GPATCH2L: variants seen among roughly 807,000 people sequenced by gnomAD.
The protein encoded by GPATCH2L is G patch domain-containing protein 2-like.
Under a neutral mutation model 57.4 loss-of-function variants are expected in GPATCH2L, and 31 were observed. The ratio of observed to expected loss-of-function variants is 0.54; its 90% CI spans 0.41 to 0.73. The LOEUF (loss-of-function observed/expected upper bound fraction) is 0.73, where lower values mean the gene tolerates loss of function less well. Ranked by LOEUF, GPATCH2L falls within the 30% of genes least tolerant of loss-of-function variation. GPATCH2L has a pLI of 0.00. For synonymous variants in GPATCH2L, 199 were observed against 210.7 expected, an observed-to-expected ratio of 0.94 and a Z score of 0.48; for missense variants, 481 against 599.9, an observed-to-expected ratio of 0.80 and a Z score of 2.07.
At chr14:76,169,113 C>T (rs1428914978) in intron 3 of GPATCH2L, among the ~76,000 whole-genome samples, 5 of 152,200 alleles carry the variant, frequency 3.3e-5, no homozygotes, top group Admixed American at 2.0e-4. Context: ...TGTGAATAGT[C>T]ACTTCATTAC....
At chr14:76,166,614 G>A in intron 2 of GPATCH2L, 49 bp from the exon 3 acceptor site, 3 of 1,313,506 alleles carry the variant, frequency 2.3e-6, no homozygotes, top group Non-Finnish European at 3.3e-6. Flanking sequence ...ACAGTGCTTT[G>A]TTTTTGACTG....
chr14:76,230,149 G>A (rs1400234380), intron 2 of GPATCH2L, among the ~76,000 whole-genome samples: 1 of 152,116 alleles, frequency 6.6e-6, no homozygotes, highest in African/African-American at 2.4e-5. Flanking sequence ...ATCCATTAAG[G>A]GACAGCCTAG....
chr14:76,225,320 C>T (rs904681875), intron 1 of GPATCH2L, among the ~76,000 whole-genome samples: 3 of 152,150 alleles, frequency 2.0e-5, no homozygotes, highest in Admixed American at 6.5e-5. Flanking sequence ...CACATAGTCA[C>T]TTAACTGAGG....
chr14:76,180,753 C>T lies in GPATCH2L; in HGVS notation c.1108-11C>T, dbSNP rs1235333841. 1 of 1,574,936 alleles carries T rather than the reference C, an allele frequency of 6.3e-7. No individual in the cohort carries two copies. Among genetic ancestry groups the T allele is most frequent in the Non-Finnish European group, 8.7e-7 (1 of 1,144,080 alleles). Reference sequence around the variant, plus strand: ...TAAGCCTTACTAAAATAGTCTTATTCATTCCTGCAGTTCAATCCCCTGTCT... The same window carrying T: ...TAAGCCTTACTAAAATAGTCTTATTTATTCCTGCAGTTCAATCCCCTGTCT... On this transcript the variant is annotated splice_polypyrimidine_tract_variant and intron_variant, in intron 7 of 9. Coordinates refer to ENST00000261530, the MANE Select transcript of GPATCH2L (RefSeq NM_017926.4).
chr14:76,223,919 C>G (rs1178971483), intron 1 of GPATCH2L, among the ~76,000 whole-genome samples: 3 of 152,146 alleles, frequency 2.0e-5, no homozygotes, highest in African/African-American at 7.2e-5. Flanking sequence ...AACTTATGTA[C>G]CCCCAAAAGC....
At chr14:76,230,730 G>A (rs1413037090) in intron 2 of GPATCH2L, among the ~76,000 whole-genome samples, 1 of 152,194 alleles carries the variant, frequency 6.6e-6, no homozygotes. Context: ...CCATTTGCAA[G>A]GGTTATCAAC....
At chr14:76,152,446 A>C in intron 1 of GPATCH2L, 1 of 308,656 alleles carries the variant, frequency 3.2e-6, no homozygotes, top group Non-Finnish European at 6.5e-6. Flanking sequence ...GTGAGCCCAA[A>C]TGAGCAGTTG....
At chr14:76,231,873 G>A (rs1193335953) in intron 2 of GPATCH2L, among the ~76,000 whole-genome samples, 1 of 12,756 alleles carries the variant, frequency 7.8e-5, no homozygotes, top group African/African-American at 1.4e-4. Context: ...TGTGTTTGAT[G>A]TGTTACATAG....
Position 76,177,618 on chromosome 14 carries a change from GGTGTCACA to G in GPATCH2L, c.1053-365_1053-358del, listed in dbSNP as rs1252653905. Among the ~76,000 whole-genome samples, 5 of 151,426 alleles carry G rather than the reference GGTGTCACA, an allele frequency of 3.3e-5. No individual in the cohort carries two copies. The East Asian group carries it at 9.7e-4, about 29-fold the overall frequency. On this transcript the variant is annotated intron_variant, in intron 6 of 9. Transcript: ENST00000261530. Reference sequence around the variant, plus strand: ...GTCACTGCACAGCTGAGAGATCATTGGTGTCACAGTGTAATCTTGGGTTTATTTCTGTT... The same window carrying G: ...GTCACTGCACAGCTGAGAGATCATTGGTGTAATCTTGGGTTTATTTCTGTT...
At chr14:76,177,494 G>A (rs138638852) in intron 6 of GPATCH2L, among the ~76,000 whole-genome samples, 1 of 151,738 alleles carries the variant, frequency 6.6e-6, no homozygotes, top group Non-Finnish European at 1.5e-5. Flanking sequence ...ATCATGGTCA[G>A]TACCCAGTTA....
intron 3 of GPATCH2L, 89 bp downstream of exon 3, chr14:76,166,816 A>C (rs973861059): frequency 1.1e-6 from 1 of 920,634 alleles, no homozygotes; most frequent in Non-Finnish European, 1.8e-6. Flanking sequence ...GAATATGGTG[A>C]CTGTCTATGG....
At chr14:76,216,097 C>T (rs1269580661), downstream of GPATCH2L, among the ~76,000 whole-genome samples, 1 of 151,958 alleles carries the variant, frequency 6.6e-6, no homozygotes, top group African/African-American at 2.4e-5. Flanking sequence ...GAAGTTTAAT[C>T]TGAGATCTCC....
rs772488609 is a variant in GPATCH2L, at chr14:76,212,225, T to C, written c.*10374T>C. 5.9e-5 allele frequency: 9 copies of C among 152,012 alleles called. No individual in the cohort carries two copies. The highest frequency in any genetic ancestry group is 8.8e-5 in the Non-Finnish European group (6 of 67,980). The allele number at this position is 152,012 out of a possible 1,614,324, so 9.4% of individuals were successfully genotyped here. ...ACCATAGAATAGGAACAAATGTACC[T>C]GTCATATTAATAAAAGTAAACTTAT... On this transcript the variant is annotated 3_prime_UTR_variant, in exon 10 of 10. Coordinates refer to ENST00000261530, the MANE Select transcript of GPATCH2L (RefSeq NM_017926.4).
At position 76,213,798 on chromosome 14, in the gene GPATCH2L, A is replaced by G. The variant is rs1275672088; in HGVS notation, c.*11947A>G. 6.6e-6 allele frequency: 1 copy of G among 152,206 alleles called. No homozygotes were observed. The highest frequency in any genetic ancestry group is 1.9e-4 in the East Asian group (1 of 5,202). 9.4% of individuals were successfully genotyped at this position (152,206 alleles called of 1,614,324 possible). A position where few individuals can be genotyped will look rare whatever the true frequency, so the allele number is the denominator to read the frequency against. ...TGTTAACTTACATACCAATGGTACA[A>G]TTATTGAAACTAGGAAATTAACATT... On this transcript the variant is annotated 3_prime_UTR_variant, in exon 10 of 10. Coordinates refer to ENST00000261530, the MANE Select transcript of GPATCH2L (RefSeq NM_017926.4).
chr14:76,215,282 A>T (rs2139854770), downstream of GPATCH2L, among the ~76,000 whole-genome samples: 1 of 152,116 alleles, frequency 6.6e-6, no homozygotes, highest in East Asian at 1.9e-4. Context: ...GCTGGAGAAG[A>T]TGTGGAGAAA....
intron 8 of GPATCH2L, among the ~76,000 whole-genome samples, chr14:76,186,915 G>T (rs2039786989): frequency 6.6e-6 from 1 of 152,150 alleles, no homozygotes; most frequent in Admixed American, 6.5e-5. Context: ...CCAGTGAGCA[G>T]TTTGTCACAG....
At chr14:76,196,465 C>CT (rs2139807272) in intron 9 of GPATCH2L, 1 of 149,408 alleles carries the variant, frequency 6.7e-6, no homozygotes, top group African/African-American at 3.4e-5. Context: ...TTTAACAAAA[C>CT]TAACACTAAT....
At chr14:76,200,834 T>TA (rs1333792276) in intron 9 of GPATCH2L, among the ~76,000 whole-genome samples, 2 of 152,196 alleles carry the variant, frequency 1.3e-5, no homozygotes, top group African/African-American at 4.8e-5. Flanking sequence ...TGGGTGACGG[T>TA]AAAATCCAAA....
chr14:76,215,546 GA>G (rs2040483537), downstream of GPATCH2L, among the ~76,000 whole-genome samples: 1 of 151,532 alleles, frequency 6.6e-6, no homozygotes, highest in Admixed American at 6.6e-5. Context: ...ACTGGATTAA[GA>G]AAATGTGGCA....
Sources: allele counts gnomAD v4.1 joint callset (sites outside exome capture counted in the v4.1 genomes callset), GRCh38; gene constraint gnomAD v4.1.1; transcripts MANE v1.5; gene names NCBI Gene and HGNC (gene_info 2026-07-23, HGNC 2026-07-21).